Variants in MAP3K20 observed in about 807,000 individuals in gnomAD.
The protein encoded by MAP3K20 is HCCS-4.
Under a neutral mutation model 85.7 loss-of-function variants are expected in MAP3K20, and 40 were observed. The ratio of observed to expected loss-of-function variants is 0.47; its 90% CI spans 0.36 to 0.61. The LOEUF (loss-of-function observed/expected upper bound fraction) is 0.61. Ranked by LOEUF, MAP3K20 falls within the 20% of genes least tolerant of loss-of-function variation. The probability of loss-of-function intolerance (pLI) is 0.00; values close to 1 mark genes in which losing one functional copy is unlikely to be tolerated. For synonymous variants in MAP3K20, 325 were observed against 327.7 expected, an observed-to-expected ratio of 0.99 and a Z score of 0.09; for missense variants, 817 against 961.7, an observed-to-expected ratio of 0.85 and a Z score of 1.99.
At chr2:173,096,442 C>T (rs1031678511) in intron 2 of MAP3K20, among the ~76,000 whole-genome samples, 2 of 151,554 alleles carry the variant, frequency 1.3e-5, no homozygotes, top group African/African-American at 2.4e-5. Context: ...CGAGTTCAAG[C>T]GATTCTCCTG....
intron 5 of MAP3K20, among the ~76,000 whole-genome samples, chr2:173,188,150 C>T (rs1057441674): frequency 1.3e-4 from 20 of 152,166 alleles, no homozygotes; most frequent in Admixed American, 1.3e-3. Context: ...AAAGTAAAGG[C>T]TCTCTTTTTC....
At chr2:173,145,619 G>A (rs1343646117) in intron 2 of MAP3K20, among the ~76,000 whole-genome samples, 1 of 152,144 alleles carries the variant, frequency 6.6e-6, no homozygotes, top group Non-Finnish European at 1.5e-5. Flanking sequence ...AAAACACCCA[G>A]TGTTGGTGAG....
At chr2:173,199,102 A>T (rs916663685) in intron 8 of MAP3K20, among the ~76,000 whole-genome samples, 6 of 152,220 alleles carry the variant, frequency 3.9e-5, no homozygotes, top group Non-Finnish European at 7.3e-5. Flanking sequence ...AATTTGCAAA[A>T]AGGTGAATAT....
At chr2:173,239,664 T>C (rs1684735813) in intron 16 of MAP3K20, among the ~76,000 whole-genome samples, 168 bp downstream of exon 16, 1 of 152,200 alleles carries the variant, frequency 6.6e-6, no homozygotes, top group Non-Finnish European at 1.5e-5. Flanking sequence ...GCTGCCTCTG[T>C]AATCCAGTCT....
chr2:173,129,821 C>T (rs1202430827), intron 2 of MAP3K20, among the ~76,000 whole-genome samples: 10 of 152,242 alleles, frequency 6.6e-5, no homozygotes, highest in Non-Finnish European at 7.4e-5. Context: ...TTGAAGCTCA[C>T]TTAAGTGGAG....
At chr2:173,196,071 A>C (rs1690825043) in intron 7 of MAP3K20, among the ~76,000 whole-genome samples, 1 of 74,516 alleles carries the variant, frequency 1.3e-5, no homozygotes, top group Non-Finnish European at 3.8e-5. Context: ...GCATGTGTGC[A>C]CACATGTACA....
intron 1 of MAP3K20, 163 bp from the exon 2 acceptor site, chr2:173,090,835 G>A (rs1687274524): frequency 7.8e-7 from 1 of 1,285,864 alleles, no homozygotes; most frequent in Non-Finnish European, 9.8e-7. Context: ...GCCAGGGTGA[G>A]TGTTTTCGAA....
chr2:173,194,412 G>A (rs1035930681), intron 7 of MAP3K20, among the ~76,000 whole-genome samples: 3 of 151,952 alleles, frequency 2.0e-5, no homozygotes, highest in Non-Finnish European at 2.9e-5. Flanking sequence ...GCTTTCCAGC[G>A]ACTTTTTATT....
chr2:173,089,224 A>G lies in MAP3K20; in HGVS notation c.-34-1774A>G, dbSNP rs975832953. On this transcript the variant is annotated intron_variant, in intron 1 of 19. Transcript: ENST00000375213. ...ACAGAAGAATGGAAAGAGTAGTAAA[A>G]TGTCCAGATACCTGTCACCTAGATG... 4.6e-5 allele frequency among the ~76,000 whole-genome samples: 7 copies of G among 151,946 alleles called. No homozygotes were observed. In the East Asian group the frequency reaches 1.3e-3, roughly 29 times the overall value.
intron 7 of MAP3K20, among the ~76,000 whole-genome samples, chr2:173,193,946 T>C (rs1441125221): frequency 6.6e-6 from 1 of 152,202 alleles, no homozygotes; most frequent in Non-Finnish European, 1.5e-5. Flanking sequence ...CACCAGCCAC[T>C]GAGCATTTCC....
intron 5 of MAP3K20, among the ~76,000 whole-genome samples, chr2:173,188,479 C>T (rs114500571): frequency 0.011 from 1,710 of 152,162 alleles, 13 homozygotes; most frequent in Middle Eastern, 0.02. Flanking sequence ...TTAATTAAAA[C>T]GAGTATATGC....
chr2:173,105,498 A>G (rs1312149320), intron 2 of MAP3K20, among the ~76,000 whole-genome samples: 1 of 152,230 alleles, frequency 6.6e-6, no homozygotes, highest in Non-Finnish European at 1.5e-5. Context: ...TTTACAATGC[A>G]ATAAAAATAT....
At chr2:173,222,205 C>CA (rs1444215381) in intron 11 of MAP3K20, 103 of 953,446 alleles carry the variant, frequency 1.1e-4, no homozygotes, top group Non-Finnish European at 1.2e-4. Flanking sequence ...GATCCTGTCT[C>CA]AAAAAACAAA....
intron 10 of MAP3K20, chr2:173,211,046 ATAT>A (rs1683877520): frequency 6.6e-6 from 1 of 152,244 alleles, no homozygotes; most frequent in Non-Finnish European, 1.5e-5. Context: ...CATTTAAGTA[ATAT>A]TTGTTTTTTG....
chr2:173,131,159 C>T (rs973799680), intron 2 of MAP3K20, among the ~76,000 whole-genome samples: 2 of 152,216 alleles, frequency 1.3e-5, no homozygotes, highest in Non-Finnish European at 1.5e-5. Flanking sequence ...TGCATACTCT[C>T]ATTTTGTTTT....
intron 7 of MAP3K20, among the ~76,000 whole-genome samples, chr2:173,191,898 A>T (rs1046944644): frequency 1.3e-5 from 2 of 152,234 alleles, no homozygotes; most frequent in Non-Finnish European, 2.9e-5. Flanking sequence ...TTTCCTGAGG[A>T]ATAGGTTATA....
At chr2:173,226,932 C>T (rs1684406851) in intron 11 of MAP3K20, 6 of 984,912 alleles carry the variant, frequency 6.1e-6, no homozygotes, top group Non-Finnish European at 7.2e-6. Context: ...TGCCAAATAT[C>T]TTGTATAATG....
intron 2 of MAP3K20, among the ~76,000 whole-genome samples, chr2:173,131,806 G>T (rs1200243470): frequency 6.6e-6 from 1 of 152,166 alleles, no homozygotes; most frequent in Non-Finnish European, 1.5e-5. Flanking sequence ...AAAGATTTCA[G>T]AAAGGAGCAA....
chr2:173,236,330 G>A (rs1684647899), intron 14 of MAP3K20, among the ~76,000 whole-genome samples: 1 of 147,010 alleles, frequency 6.8e-6, no homozygotes. Flanking sequence ...TTGCAGAGAA[G>A]CCAAGGAATA....
Sources: gnomAD v4.1 joint callset for allele counts (sites outside exome capture counted in the v4.1 genomes callset) on GRCh38, gnomAD v4.1.1 for gene constraint, MANE v1.5 for transcripts, NCBI Gene and HGNC (gene_info 2026-07-23, HGNC 2026-07-21) for gene names.